The following WNT2B variants were observed in gnomAD, a reference collection of about 807,000 sequenced individuals.
The protein encoded by WNT2B is Wnt family member 2B, also known as protein Wnt-2b.
WNT2B carries 19 observed loss-of-function variants against 40.5 expected under a neutral mutation model. The ratio of observed to expected loss-of-function variants is 0.47; its 90% CI spans 0.33 to 0.69. WNT2B has a LOEUF of 0.69. WNT2B is among the 30% of genes least tolerant of loss of function. The pLI is 0.02. For missense variants in WNT2B, 467 were observed against 556.4 expected (o/e 0.84, Z 1.62); for synonymous variants, 220 against 211.9 (o/e 1.04, Z -0.33).
chr1:112,481,476 T>G (rs928616668), intron 1 of WNT2B, among the ~76,000 whole-genome samples: 4 of 152,190 alleles, frequency 2.6e-5, no homozygotes, highest in Non-Finnish European at 5.9e-5. Flanking sequence ...CTACAAGCTT[T>G]CCTTCTAAGA....
rs1570846743 is a variant in WNT2B, at chr1:112,529,751, T to G, written c.*9242T>G. Reference sequence around the variant, plus strand: ...TCAATGCCATCCAAAAGATAAAAGTTAAAAAAAAAAAAAAAAAAAAAGGTA... The same window carrying G: ...TCAATGCCATCCAAAAGATAAAAGTGAAAAAAAAAAAAAAAAAAAAAGGTA... On this transcript the variant is annotated 3_prime_UTR_variant, in exon 5 of 5. Transcript: ENST00000369684. 1.0e-5 allele frequency: 1 copy of G among 98,990 alleles called. No homozygotes were observed. The highest frequency in any genetic ancestry group is 2.2e-5 in the Non-Finnish European group (1 of 46,358). The allele number at this position is 98,990 out of a possible 1,614,324, so 6.1% of individuals were successfully genotyped here.
chr1:112,478,252 T>TA (rs1357158787), intron 1 of WNT2B, among the ~76,000 whole-genome samples: 1 of 146,478 alleles, frequency 6.8e-6, no homozygotes, highest in African/African-American at 2.5e-5. Context: ...AGAGAGAAAA[T>TA]AAAAAAGAAA....
chr1:112,504,151 C>T (rs1365236130), upstream of WNT2B, among the ~76,000 whole-genome samples: 1 of 152,192 alleles, frequency 6.6e-6, no homozygotes, highest in East Asian at 1.9e-4. Flanking sequence ...TGGCCTCACA[C>T]AGAACCTGGG....
intron 1 of WNT2B, among the ~76,000 whole-genome samples, chr1:112,500,007 AGGGTAGAT>A (rs1173404809): frequency 1.3e-5 from 2 of 152,222 alleles, no homozygotes; most frequent in East Asian, 3.8e-4. Flanking sequence ...GAGTCTTAAA[AGGGTAGAT>A]GGTTGGGAAA....
intron 1 of WNT2B, among the ~76,000 whole-genome samples, chr1:112,494,506 C>T (rs752596980): frequency 1.3e-5 from 2 of 151,348 alleles, no homozygotes; most frequent in African/African-American, 2.5e-5. Flanking sequence ...TAGCTAGAGC[C>T]ACAGGCACAC....
At chr1:112,475,302 C>A (rs531781932) in intron 1 of WNT2B, among the ~76,000 whole-genome samples, 6 of 152,154 alleles carry the variant, frequency 3.9e-5, no homozygotes, top group African/African-American at 1.2e-4. Context: ...AGCAGAACTG[C>A]AGTACAAGAA....
chr1:112,496,305 T>G (rs1651766575), intron 1 of WNT2B, among the ~76,000 whole-genome samples: 1 of 152,126 alleles, frequency 6.6e-6, no homozygotes, highest in Admixed American at 6.6e-5. Context: ...TTTTAGAAGG[T>G]ACACATTCAA....
At position 112,525,155 on chromosome 1, in the gene WNT2B, A is replaced by G. The variant is rs1371046899; in HGVS notation, c.*4646A>G. ...GCTGAGAATGATGGAGCAGTCTCCT[A>G]TGACTGCATGGGGTATAACTGCCAA... On this transcript the variant is annotated 3_prime_UTR_variant, in exon 5 of 5. Coordinates refer to ENST00000369684, the MANE Select transcript of WNT2B (RefSeq NM_024494.3). 1.3e-5 allele frequency: 2 copies of G among 152,248 alleles called. No individual in the cohort carries two copies. The highest frequency in any genetic ancestry group is 4.8e-5 in the African/African-American group (2 of 41,442). 9.4% of individuals were successfully genotyped at this position (152,248 alleles called of 1,614,324 possible).
chr1:112,471,303 A>T (rs1650874112), intron 1 of WNT2B, among the ~76,000 whole-genome samples: 1 of 152,164 alleles, frequency 6.6e-6, no homozygotes, highest in South Asian at 2.1e-4. Context: ...GAGCTCTCTC[A>T]TGGTTAGGAC....
chr1:112,495,497 G>C (rs1651736363), intron 1 of WNT2B, among the ~76,000 whole-genome samples: 1 of 151,982 alleles, frequency 6.6e-6, no homozygotes, highest in African/African-American at 2.4e-5. Flanking sequence ...GCTGAGGCAG[G>C]AGAATGGCGT....
chr1:112,495,419 T>TACAAAAAAA (rs370790650), intron 1 of WNT2B, among the ~76,000 whole-genome samples: 2 of 150,890 alleles, frequency 1.3e-5, no homozygotes, highest in Non-Finnish European at 3.0e-5. Flanking sequence ...CTACTAAAAA[T>TACAAAAAAA]ACAAAAAAAA....
At chr1:112,519,013 C>T (rs1652713364) in intron 4 of WNT2B, among the ~76,000 whole-genome samples, 2 of 152,052 alleles carry the variant, frequency 1.3e-5, no homozygotes, top group South Asian at 4.2e-4. Flanking sequence ...TGTAAAAGAC[C>T]ATATGTGACT....
At chr1:112,477,280 G>A (rs1570762632) in intron 1 of WNT2B, among the ~76,000 whole-genome samples, 1 of 152,216 alleles carries the variant, frequency 6.6e-6, no homozygotes, top group East Asian at 1.9e-4. Flanking sequence ...TTTATAGAGA[G>A]TATGCTGCTG....
intron 1 of WNT2B, among the ~76,000 whole-genome samples, chr1:112,488,082 T>C (rs1651476578): frequency 6.6e-6 from 1 of 150,450 alleles, no homozygotes; most frequent in Non-Finnish European, 1.5e-5. Context: ...TCACTGGAGC[T>C]CAGAAGTTTG....
At chr1:112,507,760 T>G (rs1652160013), upstream of WNT2B, among the ~76,000 whole-genome samples, 2 of 152,180 alleles carry the variant, frequency 1.3e-5, no homozygotes, top group Non-Finnish European at 2.9e-5. Context: ...TTTAAAATCA[T>G]ATGAGGAGGC....
At chr1:112,484,329 G>T (rs867152943) in intron 1 of WNT2B, among the ~76,000 whole-genome samples, 3 of 143,274 alleles carry the variant, frequency 2.1e-5, no homozygotes. Flanking sequence ...AGAGAAGAGG[G>T]TCTCACTTGT....
chr1:112,514,607 T>C, intron 1 of WNT2B: 1 of 537,892 alleles, frequency 1.9e-6, no homozygotes, highest in East Asian at 3.3e-5. Flanking sequence ...CTAGCCTGTG[T>C]TCTGGGAGTG....
intron 1 of WNT2B, chr1:112,491,130 G>C (rs781088467): frequency 6.4e-7 from 1 of 1,571,038 alleles, no homozygotes. Context: ...AAATAAATTG[G>C]CCTGCACGGT....
In WNT2B at chr1:112,515,718, C is replaced by G. The variant is rs1359561810; in HGVS notation, c.404-422C>G. ...GCATGGATCTCTAAACAGGCTGACC[C>G]CTGGGCTGGGGTCTCCATTGTGGGG... On this transcript the variant is annotated intron_variant, in intron 2 of 4. Transcript: ENST00000369684. The surrounding 1 kb of genome is among the most constrained non-coding windows in gnomAD (Gnocchi z 4.4). Among the ~76,000 whole-genome samples the G allele has an allele frequency of 6.6e-6, 1 of 152,156 alleles. No homozygotes were observed. The highest frequency in any genetic ancestry group is 1.5e-5 in the Non-Finnish European group (1 of 68,024).
Sources: allele counts gnomAD v4.1 joint callset (sites outside exome capture counted in the v4.1 genomes callset), GRCh38; gene constraint gnomAD v4.1.1; non-coding constraint Gnocchi (gnomAD v3.1); transcripts MANE v1.5; gene names NCBI Gene and HGNC (gene_info 2026-07-23, HGNC 2026-07-21).